Variants in ZSCAN5A observed in about 807,000 individuals in gnomAD.
The protein encoded by ZSCAN5A is zinc finger and SCAN domain containing 5A.
In ZSCAN5A, 12 loss-of-function variants were observed where a neutral mutation model predicts 23.7. The ratio of observed to expected loss-of-function variants is 0.51; its 90% CI spans 0.32 to 0.82. ZSCAN5A has a LOEUF of 0.82. Among genes scored for constraint, ZSCAN5A ranks in the 40% least tolerant of loss-of-function variants. ZSCAN5A has a pLI of 0.03. For synonymous variants in ZSCAN5A, 257 were observed against 239.9 expected (o/e 1.07, Z -0.66); for missense variants, 597 against 617.9 (o/e 0.97, Z 0.36).
intron 2 of ZSCAN5A, among the ~76,000 whole-genome samples, chr19:56,323,613 T>C (rs1464876616): frequency 2.0e-5 from 3 of 150,312 alleles, no homozygotes; most frequent in Non-Finnish European, 4.4e-5. Context: ...CTCGGCTCAC[T>C]GCAACCTCCG....
At chr19:56,281,722 A>G (rs1043696199) in intron 2 of ZSCAN5A, 14 of 984,846 alleles carry the variant, frequency 1.4e-5, no homozygotes, top group Non-Finnish European at 1.6e-5. Flanking sequence ...CCTTCTCCCT[A>G]CATAAATGGG....
At chr19:56,327,255 T>TA (rs1449912745) in intron 2 of ZSCAN5A, among the ~76,000 whole-genome samples, 3 of 151,884 alleles carry the variant, frequency 2.0e-5, no homozygotes, top group African/African-American at 7.3e-5. Context: ...TAGCTAGGAC[T>TA]AAAGGTGCAT....
intron 2 of ZSCAN5A, among the ~76,000 whole-genome samples, chr19:56,278,232 T>C (rs982824640): frequency 2.6e-5 from 4 of 152,146 alleles, no homozygotes; most frequent in African/African-American, 9.7e-5. Context: ...AGCAATTATC[T>C]TGCCTCAGCA....
chr19:56,353,581 T>G (rs927945281), intron 2 of ZSCAN5A, among the ~76,000 whole-genome samples: 1 of 151,612 alleles, frequency 6.6e-6, no homozygotes, highest in African/African-American at 2.4e-5. Flanking sequence ...ATCGAGACCA[T>G]CCTGGCTAAC....
chr19:56,327,740 TCTA>T (rs1461095505), intron 2 of ZSCAN5A, among the ~76,000 whole-genome samples: 22 of 151,756 alleles, frequency 1.4e-4, no homozygotes, highest in South Asian at 1.0e-3. Flanking sequence ...ATTTTACACA[TCTA>T]CTAATATATG....
At chr19:56,235,954 C>T (rs1402824022) in intron 2 of ZSCAN5A, among the ~76,000 whole-genome samples, 2 of 34,898 alleles carry the variant, frequency 5.7e-5, no homozygotes, top group African/African-American at 3.3e-4. Context: ...GCCAAGCCTC[C>T]ACTCCAGCCT....
At chr19:56,354,498 T>C (rs1305056344) in intron 2 of ZSCAN5A, 3 of 152,068 alleles carry the variant, frequency 2.0e-5, no homozygotes, top group Non-Finnish European at 4.4e-5. Flanking sequence ...TAACACAGGG[T>C]CTTTAAGATG....
At chr19:56,344,608 T>TA (rs1019184297) in intron 2 of ZSCAN5A, among the ~76,000 whole-genome samples, 7 of 146,290 alleles carry the variant, frequency 4.8e-5, no homozygotes, top group South Asian at 2.2e-4. Context: ...CCGTCTCTAT[T>TA]AAAAAAAAGA....
intron 2 of ZSCAN5A, chr19:56,320,814 A>C: frequency 1.3e-6 from 1 of 793,208 alleles, no homozygotes. Context: ...TTATCACCAT[A>C]GGTGGCAGCA....
At chr19:56,329,721 T>C (rs181241542) in intron 2 of ZSCAN5A, among the ~76,000 whole-genome samples, 173 of 152,274 alleles carry the variant, frequency 1.1e-3, no homozygotes, top group Middle Eastern at 3.4e-3. Flanking sequence ...ATAATTTACT[T>C]TCTCACATCT....
chr19:56,327,874 G>A (rs1192125891), intron 2 of ZSCAN5A, among the ~76,000 whole-genome samples: 1 of 151,902 alleles, frequency 6.6e-6, no homozygotes, highest in Non-Finnish European at 1.5e-5. Context: ...ATCCATACGT[G>A]TATATATTTC....
upstream of ZSCAN5A, among the ~76,000 whole-genome samples, chr19:56,319,498 G>GAAAAAAAAAAA (rs57164685): frequency 2.9e-4 from 23 of 78,406 alleles, 1 homozygote; most frequent in Admixed American, 9.5e-4. Flanking sequence ...TCCATCTCGG[G>GAAAAAAAAAAA]AAAAAAAAAA....
intron 2 of ZSCAN5A, among the ~76,000 whole-genome samples, chr19:56,354,299 T>TTTTTTTTTTTTGAGACGG (rs1358000805): frequency 6.6e-6 from 1 of 152,106 alleles, no homozygotes; most frequent in East Asian, 1.9e-4. Flanking sequence ...GTTTGTATTT[T>TTTTTTTTTTTTGAGACGG]ACCACAATTT....
rs151088084 is a variant in ZSCAN5A, at chr19:56,296,212, G to A, written c.-128+17071C>T. On this transcript the variant is annotated intron_variant, in intron 2 of 5. Coordinates refer to ENST00000683990, the MANE Select transcript of ZSCAN5A (RefSeq NM_001322064.3). The stretch of plus-strand genomic sequence containing the variant: ...GGGACAGTGTGCAAGAGGACGATGC[G>A]GGCAATCCAGCAGGGCTTCTCGGAG... 6.2e-3 allele frequency: 946 copies of A among 152,544 alleles called. 5 individuals are homozygous for A. Among genetic ancestry groups the A allele is most frequent in the Non-Finnish European group, 9.3e-3 (636 of 68,152 alleles). The allele number at this position is 152,544 out of a possible 1,614,324, so 9.4% of individuals were successfully genotyped here.
At chr19:56,270,297 A>G (rs2037757914) in intron 2 of ZSCAN5A, among the ~76,000 whole-genome samples, 1 of 152,182 alleles carries the variant, frequency 6.6e-6, no homozygotes, top group South Asian at 2.1e-4. Context: ...GCACGCCTGT[A>G]ATCCCAGCTA....
chr19:56,315,865 AC>A (rs1293125428), upstream of ZSCAN5A: 4 of 152,332 alleles, frequency 2.6e-5, no homozygotes, highest in Non-Finnish European at 2.9e-5. Flanking sequence ...AATGGCCAGC[AC>A]ACAATGACCC....
intron 2 of ZSCAN5A, among the ~76,000 whole-genome samples, chr19:56,325,794 T>C (rs999915491): frequency 2.0e-5 from 3 of 152,204 alleles, no homozygotes; most frequent in Non-Finnish European, 4.4e-5. Flanking sequence ...ACAAGAAATA[T>C]TTCAAGAGGA....
chr19:56,289,464 T>C (rs1186501905), intron 2 of ZSCAN5A, among the ~76,000 whole-genome samples: 1 of 152,170 alleles, frequency 6.6e-6, no homozygotes, highest in Non-Finnish European at 1.5e-5. Context: ...TATACTCTAG[T>C]TCGGGTAAGA....
chr19:56,283,055 T>A (rs1442626575), intron 2 of ZSCAN5A: 2 of 152,214 alleles, frequency 1.3e-5, no homozygotes, highest in African/African-American at 4.8e-5. Context: ...CGGAGCCTAA[T>A]TCTGCTCCTT....
Sources: gnomAD v4.1 joint callset for allele counts (sites outside exome capture counted in the v4.1 genomes callset) on GRCh38, gnomAD v4.1.1 for gene constraint, MANE v1.5 for transcripts, NCBI Gene and HGNC (gene_info 2026-07-23, HGNC 2026-07-21) for gene names.